Variants in NPNT observed in about 807,000 individuals in gnomAD.
NPNT encodes nephronectin.
Under a neutral mutation model 68.6 loss-of-function variants are expected in NPNT, and 45 were observed. That is an observed-to-expected ratio of 0.66 (90% CI 0.52 to 0.84). The LOEUF (loss-of-function observed/expected upper bound fraction) is 0.84, where lower values mean the gene tolerates loss of function less well. Ranked by LOEUF, NPNT falls within the 40% of genes least tolerant of loss-of-function variation. The pLI is 0.00. For synonymous variants in NPNT, 233 were observed against 253.3 expected, an observed-to-expected ratio of 0.92 and a Z score of 0.76; for missense variants, 672 against 714.8, an observed-to-expected ratio of 0.94 and a Z score of 0.68.
At chr4:105,910,314 C>T (rs753229749) in intron 2 of NPNT, among the ~76,000 whole-genome samples, 2 of 152,036 alleles carry the variant, frequency 1.3e-5, no homozygotes, top group South Asian at 2.1e-4. Context: ...GGCAAGTTGC[C>T]GGAGAGAGTT....
intron 10 of NPNT, among the ~76,000 whole-genome samples, chr4:105,965,182 T>C (rs72956792): frequency 0.013 from 1,960 of 152,280 alleles, 34 homozygotes; most frequent in African/African-American, 0.045. Flanking sequence ...CTTGAGATAT[T>C]GTGATACTGT....
chr4:105,940,717 G>T (rs1003569927), intron 7 of NPNT, 81 bp downstream of exon 7: 4 of 1,208,698 alleles, frequency 3.3e-6, no homozygotes, highest in Non-Finnish European at 4.7e-6. Context: ...GGAAAATAAG[G>T]AATAAGATTA....
intron 9 of NPNT, chr4:105,958,760 C>CT (rs1443846441): frequency 3.8e-6 from 2 of 527,698 alleles, no homozygotes; most frequent in Non-Finnish European, 6.8e-6. Flanking sequence ...TAAAGTAGTA[C>CT]TTAAACTGTA....
intron 2 of NPNT, among the ~76,000 whole-genome samples, chr4:105,925,893 G>A (rs777481937): frequency 1.3e-5 from 2 of 152,152 alleles, no homozygotes; most frequent in African/African-American, 2.4e-5. Context: ...AGGCAGTTAT[G>A]ATGATAAATG....
intron 10 of NPNT, among the ~76,000 whole-genome samples, chr4:105,963,540 C>T (rs1304667928): frequency 6.6e-6 from 1 of 151,978 alleles, no homozygotes; most frequent in Non-Finnish European, 1.5e-5. Context: ...TTAACAATGC[C>T]TCTAAGAAAT....
chr4:105,951,037 T>C (rs1730794780), intron 8 of NPNT, among the ~76,000 whole-genome samples: 1 of 152,164 alleles, frequency 6.6e-6, no homozygotes, highest in Non-Finnish European at 1.5e-5. Flanking sequence ...ACACAGGTAA[T>C]GTTTCTGATC....
intron 3 of NPNT, among the ~76,000 whole-genome samples, chr4:105,928,335 C>G (rs1458809563): frequency 6.6e-6 from 1 of 152,132 alleles, no homozygotes; most frequent in Non-Finnish European, 1.5e-5. Flanking sequence ...CATTATTGGC[C>G]TGGCGTGGTG....
chr4:105,913,587 A>G (rs1727551382), intron 2 of NPNT, among the ~76,000 whole-genome samples: 1 of 152,210 alleles, frequency 6.6e-6, no homozygotes, highest in Non-Finnish European at 1.5e-5. Flanking sequence ...GTTTGCTATT[A>G]TTAGTGTGTT....
In NPNT at chr4:105,942,688, G is replaced by C; in HGVS notation, c.1145G>C (p.Arg382Thr). 3 of 1,609,666 alleles carry C rather than the reference G, an allele frequency of 1.9e-6. No individual in the cohort carries two copies. Among genetic ancestry groups the C allele is most frequent in the Non-Finnish European group, 2.5e-6 (3 of 1,177,944 alleles). The change falls in exon 8 of 12, where the codon AGA (arginine) becomes ACA (threonine). Residue 382 changes from arginine (R) to threonine (T), a missense_variant. Arg to Thr is a moderately conservative substitution (Grantham distance 71). Coordinates refer to ENST00000379987, the MANE Select transcript of NPNT (RefSeq NM_001033047.3). ...NRVQTDPQKP[R>T]GDVFIPRQPS... ...GTACAGACAGACCCTCAGAAACCCAGAGGAGATGTGTTCAGTAAGTCTAAT... is the reference window on the plus strand; with the variant it reads ...GTACAGACAGACCCTCAGAAACCCACAGGAGATGTGTTCAGTAAGTCTAAT...
intron 8 of NPNT, among the ~76,000 whole-genome samples, chr4:105,945,261 G>A (rs750548896): frequency 7.9e-5 from 12 of 152,140 alleles, no homozygotes; most frequent in African/African-American, 1.4e-4. Context: ...TATGTGCGTT[G>A]TTGCCCTGAG....
At chr4:105,903,509 T>A in intron 2 of NPNT, among the ~76,000 whole-genome samples, 1 of 152,240 alleles carries the variant, frequency 6.6e-6, no homozygotes, top group South Asian at 2.1e-4. Context: ...TGCAATATTT[T>A]AAATTTTTCC....
In NPNT at chr4:105,897,978, G is replaced by A. The variant is rs747884992; in HGVS notation, c.149G>A (p.Arg50His). 3.7e-5 allele frequency: 60 copies of A among 1,611,404 alleles called. No individual in the cohort carries two copies. The highest frequency in any genetic ancestry group is 2.4e-4 in the African/African-American group (18 of 74,694). ...GRIDCCWGWARQSWGQCQPVC... is the reference protein window; with the variant it reads ...GRIDCCWGWAHQSWGQCQPVC... ...ATTGACTGCTGCTGGGGCTGGGCTC[G>A]CCAGTCTTGGGGACAGTGTCAGCGT... Residue 50 changes from arginine to histidine, a missense_variant, in exon 2 of 12, where the codon CGC becomes CAC. Transcript: ENST00000379987.
At chr4:105,938,995 C>T (rs1228699222) in intron 5 of NPNT, among the ~76,000 whole-genome samples, 1 of 152,112 alleles carries the variant, frequency 6.6e-6, no homozygotes, top group East Asian at 1.9e-4. Context: ...ATGCAAAGAG[C>T]TTAGCACAAT....
chr4:105,945,770 C>T (rs1254704297), intron 8 of NPNT, among the ~76,000 whole-genome samples: 1 of 152,134 alleles, frequency 6.6e-6, no homozygotes, highest in African/African-American at 2.4e-5. Flanking sequence ...CTATATAGTA[C>T]ACACTGAAGT....
At chr4:105,927,862 A>C (rs978596779) in intron 3 of NPNT, among the ~76,000 whole-genome samples, 1 of 152,206 alleles carries the variant, frequency 6.6e-6, no homozygotes, top group Non-Finnish European at 1.5e-5. Flanking sequence ...ATTCGTGATT[A>C]AATCTCCCTT....
At chr4:105,937,891 T>C (rs928670894) in intron 4 of NPNT, among the ~76,000 whole-genome samples, 1 of 152,210 alleles carries the variant, frequency 6.6e-6, no homozygotes, top group Non-Finnish European at 1.5e-5. Context: ...ATTGCATAAG[T>C]ATAGCATGGA....
chr4:105,912,002 A>G (rs1578592280), intron 2 of NPNT: 5 of 553,436 alleles, frequency 9.0e-6, no homozygotes, highest in Non-Finnish European at 6.4e-6. Context: ...ATGTTTTTTT[A>G]TAACAAAATG....
At chr4:105,922,053 T>C (rs770312928) in intron 2 of NPNT, among the ~76,000 whole-genome samples, 3 of 152,202 alleles carry the variant, frequency 2.0e-5, no homozygotes, top group Non-Finnish European at 4.4e-5. Flanking sequence ...AATAACATGA[T>C]GTAGATTGAA....
At chr4:105,953,336 C>T (rs538066202) in intron 8 of NPNT, among the ~76,000 whole-genome samples, 1 of 152,210 alleles carries the variant, frequency 6.6e-6, no homozygotes, top group South Asian at 2.1e-4. Flanking sequence ...ACTTTTTTGC[C>T]AATTTTGCTC....
Sources: gnomAD v4.1 joint callset for allele counts (sites outside exome capture counted in the v4.1 genomes callset) on GRCh38, gnomAD v4.1.1 for gene constraint, MANE v1.5 for transcripts, NCBI Gene and HGNC (gene_info 2026-07-23, HGNC 2026-07-21) for gene names.